Variants in TYW1 observed in about 807,000 individuals in gnomAD.
The protein encoded by TYW1 is S-adenosyl-L-methionine-dependent tRNA 4-demethylwyosine synthase TYW1.
In TYW1, 46 loss-of-function variants were observed where a neutral mutation model predicts 96.2. That is an observed-to-expected ratio of 0.48 (90% CI 0.38 to 0.61). The LOEUF (loss-of-function observed/expected upper bound fraction) is 0.61. TYW1 is among the 20% of genes least tolerant of loss of function. The pLI is 0.00. For synonymous variants in TYW1, 274 were observed against 323.0 expected (o/e 0.85, Z 1.63); for missense variants, 684 against 909.6 (o/e 0.75, Z 3.19).
chr7:67,208,273 A>G (rs910482929), intron 15 of TYW1, among the ~76,000 whole-genome samples: 4 of 152,200 alleles, frequency 2.6e-5, no homozygotes, highest in South Asian at 2.1e-4. Context: ...GTGAGCAGAG[A>G]TTGTGCCACC....
At chr7:67,000,279 A>G (rs184024681) in intron 3 of TYW1, among the ~76,000 whole-genome samples, 61 of 151,526 alleles carry the variant, frequency 4.0e-4, no homozygotes, top group Admixed American at 6.6e-4. Flanking sequence ...TCTGTGTTAC[A>G]AGGTCACAGC....
chr7:67,083,314 T>G (rs1252700121), intron 10 of TYW1, 116 bp from the exon 11 acceptor site: 1 of 988,078 alleles, frequency 1.0e-6, no homozygotes, highest in Admixed American at 2.3e-5. Context: ...GGTTGAACTC[T>G]TAGGAGGAAA....
chr7:67,166,666 T>C (rs1799342013), intron 13 of TYW1, among the ~76,000 whole-genome samples: 1 of 152,164 alleles, frequency 6.6e-6, no homozygotes, highest in Admixed American at 6.6e-5. Context: ...TCTTTATGTA[T>C]GTTTGTTAGA....
intron 6 of TYW1, among the ~76,000 whole-genome samples, chr7:67,018,830 C>T (rs1413883233): frequency 1.3e-5 from 2 of 151,668 alleles, no homozygotes; most frequent in African/African-American, 4.8e-5. Context: ...GTGGCGGGCA[C>T]CTGTAATCCC....
chr7:67,121,073 T>G (rs1191730315), intron 13 of TYW1, among the ~76,000 whole-genome samples: 1 of 152,248 alleles, frequency 6.6e-6, no homozygotes, highest in African/African-American at 2.4e-5. Flanking sequence ...TGTGGCAGGA[T>G]GCTGCTCTTA....
chr7:67,090,646 G>A (rs1407553463), intron 11 of TYW1, among the ~76,000 whole-genome samples: 1 of 152,170 alleles, frequency 6.6e-6, no homozygotes, highest in Non-Finnish European at 1.5e-5. Flanking sequence ...AAAGGGTTAA[G>A]ATTTGGGCAC....
rs1453774906 is a variant in TYW1 at position 67,121,443 on chromosome 7, A to G, written c.1698+3825A>G. Among the ~76,000 whole-genome samples the G allele has an allele frequency of 5.9e-5, 9 of 152,194 alleles. 1 individual carries two copies. Among genetic ancestry groups the G allele is most frequent in the Admixed American group, 1.3e-4 (2 of 15,268 alleles). On this transcript the variant is annotated intron_variant, in intron 13 of 15. Coordinates refer to ENST00000359626, the MANE Select transcript of TYW1 (RefSeq NM_018264.4). Reference sequence around the variant, plus strand: ...GTAATCCCAGCTACTCGGGAGGCTGAGGCAGGAGAATTGCTTCAACCGAGG... The same window carrying G: ...GTAATCCCAGCTACTCGGGAGGCTGGGGCAGGAGAATTGCTTCAACCGAGG...
At chr7:67,159,799 A>AT (rs141173601) in intron 13 of TYW1, among the ~76,000 whole-genome samples, 137 of 71,374 alleles carry the variant, frequency 1.9e-3, no homozygotes, top group South Asian at 4.2e-3. Context: ...ATTTTATTTT[A>AT]TTTATTTATT....
chr7:67,000,215 C>T (rs1250934742), intron 3 of TYW1, among the ~76,000 whole-genome samples: 2 of 152,090 alleles, frequency 1.3e-5, no homozygotes, highest in Non-Finnish European at 2.9e-5. Context: ...GGATTACAGT[C>T]GTGAGCCACC....
intron 12 of TYW1, 111 bp from the exon 13 acceptor site, chr7:67,117,372 C>T (rs995818030): frequency 2.5e-5 from 31 of 1,259,394 alleles, no homozygotes; most frequent in Non-Finnish European, 3.1e-5. Flanking sequence ...AGTCTCTAGA[C>T]CCAGTGAAGT....
At chr7:67,193,212 A>G (rs1800277167) in intron 14 of TYW1, among the ~76,000 whole-genome samples, 7 of 152,186 alleles carry the variant, frequency 4.6e-5, no homozygotes. Context: ...TCTGTAGGGC[A>G]CAGTTTCAGC....
At chr7:67,096,881 T>C (rs2686987) in intron 11 of TYW1, among the ~76,000 whole-genome samples, 6 of 152,216 alleles carry the variant, frequency 3.9e-5, no homozygotes, top group Admixed American at 1.3e-4. Flanking sequence ...CAGCATATCT[T>C]GTAATGCCTT....
At chr7:67,135,819 G>T (rs1299719913) in intron 13 of TYW1, among the ~76,000 whole-genome samples, 3 of 152,164 alleles carry the variant, frequency 2.0e-5, no homozygotes, top group African/African-American at 7.2e-5. Context: ...TTGCTGTTGA[G>T]ACTCTGTTGT....
intron 3 of TYW1, among the ~76,000 whole-genome samples, chr7:67,004,531 G>A (rs115804722): frequency 0.018 from 2,734 of 152,244 alleles, 92 homozygotes; most frequent in African/African-American, 0.062. Flanking sequence ...AGATGTAGTT[G>A]TCCAATCTTG....
chr7:67,015,239 G>A (rs1384552041), intron 5 of TYW1, among the ~76,000 whole-genome samples: 3 of 152,052 alleles, frequency 2.0e-5, no homozygotes, highest in African/African-American at 7.2e-5. Flanking sequence ...CCTGACCTCA[G>A]GTGATCCACC....
chr7:67,165,475 G>A (rs4718467), intron 13 of TYW1, among the ~76,000 whole-genome samples: 5 of 149,844 alleles, frequency 3.3e-5, no homozygotes, highest in East Asian at 1.9e-4. Flanking sequence ...AACCAATTCC[G>A]TGTAACCATC....
chr7:67,238,913 T>C lies in TYW1; in HGVS notation c.*384T>C, dbSNP rs564855572. On this transcript the variant is annotated 3_prime_UTR_variant, in exon 16 of 16. Coordinates refer to ENST00000359626, the MANE Select transcript of TYW1 (RefSeq NM_018264.4). ...GGGCCTCTTCCCCTTACCCGGCCCTTAGATTTCATGGAGCAGCCACTTAGC... is the reference window on the plus strand; with the variant it reads ...GGGCCTCTTCCCCTTACCCGGCCCTCAGATTTCATGGAGCAGCCACTTAGC... 1.1e-4 allele frequency: 113 copies of C among 1,045,878 alleles called. No homozygotes were observed. In the African/African-American group the frequency reaches 1.7e-3, roughly 16 times the overall value. The allele number at this position is 1,045,878 out of a possible 1,614,324, so 64.8% of individuals were successfully genotyped here. A position where few individuals can be genotyped will look rare whatever the true frequency, so the allele number is the denominator to read the frequency against.
intron 14 of TYW1, among the ~76,000 whole-genome samples, chr7:67,184,896 C>T (rs1387153351): frequency 5.9e-5 from 9 of 151,640 alleles, no homozygotes; most frequent in Middle Eastern, 3.4e-3. Context: ...TTAGTAGAGA[C>T]GGGGTTTCAC....
rs1199972369 is a variant in TYW1, at chr7:67,204,568, TTC to T, written c.1977+9232_1977+9233del. Among the ~76,000 whole-genome samples, 103 of 138,842 alleles carry T rather than the reference TTC, an allele frequency of 7.4e-4. 1 individual carries two copies. Among genetic ancestry groups the T allele is most frequent in the Middle Eastern group, 3.6e-3 (1 of 278 alleles). The allele number at this position is 138,842 out of a possible 152,430, so 91.1% of individuals were successfully genotyped here. ...CTCTTCTTCTTCTTCTTCTTTCTTC[TTC>T]CTTCTTCCTTCTTTCTTCTTCTTCT... On this transcript the variant is annotated intron_variant, in intron 15 of 15. Transcript: ENST00000359626.
Sources: allele counts gnomAD v4.1 joint callset (sites outside exome capture counted in the v4.1 genomes callset), GRCh38; gene constraint gnomAD v4.1.1; transcripts MANE v1.5; gene names NCBI Gene and HGNC (gene_info 2026-07-23, HGNC 2026-07-21).